The following LSP1 variants were observed in gnomAD, a reference collection of about 807,000 sequenced individuals.
The protein encoded by LSP1 is lymphocyte specific protein 1.
LSP1 carries 32 observed loss-of-function variants against 49.3 expected under a neutral mutation model. The ratio of observed to expected loss-of-function variants is 0.65; its 90% CI spans 0.49 to 0.87. The LOEUF is 0.87. Among genes scored for constraint, LSP1 ranks in the 40% least tolerant of loss-of-function variants. LSP1 has a pLI of 0.00. For missense variants in LSP1, 428 were observed against 442.6 expected (o/e 0.97, Z 0.30); for synonymous variants, 179 against 178.8 (o/e 1.00, Z -0.01).
rs552300924 is a variant in LSP1, at chr11:1,876,798, G to A, written c.54-3289G>A. On this transcript the variant is annotated intron_variant, in intron 1 of 10. Transcript: ENST00000311604. Reference sequence around the variant, plus strand: ...TGCTTGGCAGTGGATGAGGCCGGCAGGAACAGACCTGAGCTTGGGGAGCTC... The same window carrying A: ...TGCTTGGCAGTGGATGAGGCCGGCAAGAACAGACCTGAGCTTGGGGAGCTC... Among the ~76,000 whole-genome samples, 9 of 152,284 alleles carry A rather than the reference G, an allele frequency of 5.9e-5. No homozygotes were observed. In the East Asian group the frequency reaches 1.6e-3, roughly 26 times the overall value.
At position 1,884,002 on chromosome 11, in the gene LSP1, C is replaced by T; in HGVS notation, c.569C>T (p.Pro190Leu). Residue 190 changes from proline to leucine, a missense_variant, in exon 5 of 11, where the codon CCT becomes CTT. Pro to Leu is a moderately conservative substitution (Grantham distance 98, BLOSUM62 -3). Transcript: ENST00000311604. This position sits in a 1 kb window ranked among gnomAD's most constrained non-coding sequence, Gnocchi z 4.1. ...GAGGGGACCATCGAACAGAGCTCGC[C>T]TCCCCTGAGCCCTACCACCAAAGTA... is the stretch of plus-strand genomic sequence containing the variant. ...VLEGTIEQSS[P>L]PLSPTTKLID... 6.2e-7 allele frequency: 1 copy of T among 1,612,580 alleles called. No homozygotes were observed. The highest frequency in any genetic ancestry group is 8.5e-7 in the Non-Finnish European group (1 of 1,179,492).
At chr11:1,881,770 A>T (rs1031042468) in intron 3 of LSP1, among the ~76,000 whole-genome samples, 174 bp downstream of exon 3, 1 of 151,952 alleles carries the variant, frequency 6.6e-6, no homozygotes, top group Non-Finnish European at 1.5e-5. Context: ...CAGCCACCCC[A>T]TCCTCCCCTT....
chr11:1,866,415 C>A, intron 1 of LSP1: 3 of 1,414,360 alleles, frequency 2.1e-6, no homozygotes, highest in Non-Finnish European at 1.9e-6. Flanking sequence ...GAGTTGAGGG[C>A]AGCCCGGCTC....
rs1390370472 is a variant in LSP1 at position 1,866,945 on chromosome 11, G to A, written c.54-13142G>A. The A allele has an allele frequency of 1.2e-5, 18 of 1,472,782 alleles. No homozygotes were observed. In the African/African-American group the frequency reaches 1.3e-4, roughly 10 times the overall value. The allele number at this position is 1,472,782 out of a possible 1,614,324, so 91.2% of individuals were successfully genotyped here. On this transcript the variant is annotated intron_variant, in intron 1 of 10. Transcript: ENST00000311604. Reference sequence around the variant, plus strand: ...GCCGCACTCAGGAGGCACTGAAACCGTGTGGGCCCAGGCTCGGGGCCAGTC... The same window carrying A: ...GCCGCACTCAGGAGGCACTGAAACCATGTGGGCCCAGGCTCGGGGCCAGTC...
intron 7 of LSP1, among the ~76,000 whole-genome samples, chr11:1,885,754 T>C (rs1848726172): frequency 6.7e-6 from 1 of 149,830 alleles, no homozygotes; most frequent in Non-Finnish European, 1.5e-5. Flanking sequence ...CAACAAGCAC[T>C]CCTCTATCTT....
chr11:1,874,650 G>A (rs1848231162), intron 1 of LSP1, among the ~76,000 whole-genome samples: 1 of 152,158 alleles, frequency 6.6e-6, no homozygotes. Flanking sequence ...ATGAGCCAGG[G>A]AGGCGCCGGG....
intron 1 of LSP1, chr11:1,867,045 G>C: frequency 1.0e-6 from 1 of 957,700 alleles, no homozygotes; most frequent in Non-Finnish European, 1.5e-6. Flanking sequence ...ACCTGGGGAG[G>C]AGGCACTGAA....
intron 10 of LSP1, chr11:1,890,510 C>A (rs531127903): frequency 1.4e-6 from 1 of 716,490 alleles, no homozygotes; most frequent in African/African-American, 1.7e-5. Context: ...GCAGCAGGGG[C>A]GGTGGGGGTC....
Position 1,884,648 on chromosome 11 carries a change from A to C in LSP1, c.717+67A>C. On this transcript the variant is annotated intron_variant, in intron 7 of 10. Transcript: ENST00000311604. The surrounding 1 kb of genome is among the most constrained non-coding windows in gnomAD (Gnocchi z 4.1). ...CCTGGCACCATTCCTTCATCCAACC[A>C]ACGCCCTTCCATCCAATCAGTGCCG... The C allele has an allele frequency of 7.3e-7, 1 of 1,379,264 alleles. No individual in the cohort carries two copies. The highest frequency in any genetic ancestry group is 2.3e-5 in the East Asian group (1 of 43,422). 85.4% of individuals were successfully genotyped at this position (1,379,264 alleles called of 1,614,324 possible). A position where few individuals can be genotyped will look rare whatever the true frequency, so the allele number is the denominator to read the frequency against.
At chr11:1,869,054 T>A in intron 1 of LSP1, 1 of 975,076 alleles carries the variant, frequency 1.0e-6, no homozygotes, top group Non-Finnish European at 1.2e-6. Context: ...AGTGGGAGCT[T>A]GTGGGAGAGA....
chr11:1,883,294 T>A (rs906955810), intron 3 of LSP1, 125 bp from the exon 4 acceptor site: 2 of 1,219,114 alleles, frequency 1.6e-6, no homozygotes, highest in Non-Finnish European at 2.3e-6. Flanking sequence ...CTCAGATCCC[T>A]TGGCACTCAA....
chr11:1,866,705 G>A, intron 1 of LSP1: 1 of 1,550,582 alleles, frequency 6.4e-7, no homozygotes, highest in Non-Finnish European at 8.7e-7. Context: ...TCCACCAGGA[G>A]CTCTGTGGCC....
At chr11:1,854,302 G>A (rs1378473324) in intron 1 of LSP1, among the ~76,000 whole-genome samples, 1 of 152,084 alleles carries the variant, frequency 6.6e-6, no homozygotes, top group East Asian at 1.9e-4. Flanking sequence ...GGAGGCCCAG[G>A]GTGACGCTCA....
chr11:1,889,173 C>T lies in LSP1; in HGVS notation c.*13+1597C>T, dbSNP rs117666547. On this transcript the variant is annotated intron_variant, in intron 10 of 10. Coordinates refer to ENST00000311604, the MANE Select transcript of LSP1 (RefSeq NM_002339.3). ...CTGGAGCCTCCAGCCAGTCGCTGTG[C>T]GGTTGAAGTTCTTGGGCTGGGGGCT... 5,993 of 673,694 alleles carry T rather than the reference C, an allele frequency of 8.9e-3. 42 individuals carry two copies. The highest frequency in any genetic ancestry group is 0.011 in the Non-Finnish European group (3,992 of 362,694). 41.7% of individuals were successfully genotyped at this position (673,694 alleles called of 1,614,324 possible).
At chr11:1,889,149 T>C (rs1848876677) in intron 10 of LSP1, 2 of 657,864 alleles carry the variant, frequency 3.0e-6, no homozygotes, top group South Asian at 3.4e-5. Context: ...GCCACTTCAC[T>C]GGAGCCTCCA....
chr11:1,864,757 T>C (rs1245911380), intron 1 of LSP1, among the ~76,000 whole-genome samples: 1 of 151,546 alleles, frequency 6.6e-6, no homozygotes, highest in African/African-American at 2.4e-5. Context: ...GGGACCAGGC[T>C]GCCTGCAGGG....
rs1340106081 is a variant in LSP1 at position 1,884,595 on chromosome 11, C to A, written c.717+14C>A. The A allele has an allele frequency of 6.2e-7, 1 of 1,610,126 alleles. No homozygotes were observed. On this transcript the variant is annotated intron_variant, in intron 7 of 10. Transcript: ENST00000311604. The surrounding 1 kb of genome is among the most constrained non-coding windows in gnomAD (Gnocchi z 4.1). ...CAGGCCATCGAGGTATGACCTGGCT[C>A]CCCTCTGCTGTCAGGTCCCTCCTGC...
In LSP1 at chr11:1,869,157, C is replaced by T. The variant is rs548602601; in HGVS notation, c.54-10930C>T. On this transcript the variant is annotated intron_variant, in intron 1 of 10. Transcript: ENST00000311604. Reference sequence around the variant, plus strand: ...CCCAGGCTCCAAGTGGGCTGAGACCCGGGAGGCTTGAGGGTCGGCTGCTAC... The same window carrying T: ...CCCAGGCTCCAAGTGGGCTGAGACCTGGGAGGCTTGAGGGTCGGCTGCTAC... 1.5e-4 allele frequency: 51 copies of T among 343,572 alleles called. 1 individual carries two copies. The South Asian group carries it at 1.8e-3, about 12-fold the overall frequency. The allele number at this position is 343,572 out of a possible 1,614,324, so 21.3% of individuals were successfully genotyped here.
At chr11:1,889,146 C>A in intron 10 of LSP1, 1 of 655,930 alleles carries the variant, frequency 1.5e-6, no homozygotes. Flanking sequence ...CTGGCCACTT[C>A]ACTGGAGCCT....
Sources: gnomAD v4.1 joint callset for allele counts (sites outside exome capture counted in the v4.1 genomes callset) on GRCh38, gnomAD v4.1.1 for gene constraint, Gnocchi (gnomAD v3.1) non-coding constraint, MANE v1.5 for transcripts, NCBI Gene and HGNC (gene_info 2026-07-23, HGNC 2026-07-21) for gene names.